Variants in ZHX3 observed in about 807,000 individuals in gnomAD.
ZHX3 encodes the protein zinc fingers and homeoboxes protein 3.
Under a neutral mutation model 64.5 loss-of-function variants are expected in ZHX3, and 20 were observed. The observed-to-expected ratio is 0.31, with a 90% CI of 0.22 to 0.45. The LOEUF is 0.45. ZHX3 is among the 20% of genes least tolerant of loss of function. ZHX3 has a pLI of 1.00. For missense variants in ZHX3, 1,041 were observed against 1,195.8 expected (o/e 0.87, Z 1.91); for synonymous variants, 423 against 461.6 (o/e 0.92, Z 1.07).
chr20:41,313,843 G>C (rs967509447), intron 1 of ZHX3, among the ~76,000 whole-genome samples: 1 of 152,082 alleles, frequency 6.6e-6, no homozygotes, highest in Non-Finnish European at 1.5e-5. Flanking sequence ...TGATCTGCCC[G>C]CCTTGGCCTC....
At chr20:41,238,800 A>C (rs2041180310) in intron 2 of ZHX3, 1 of 152,122 alleles carries the variant, frequency 6.6e-6, no homozygotes, top group Non-Finnish European at 1.5e-5. Flanking sequence ...AGAATCACTA[A>C]AACACACAAA....
intron 2 of ZHX3, among the ~76,000 whole-genome samples, chr20:41,245,619 T>A (rs1042580342): frequency 6.6e-6 from 1 of 152,240 alleles, no homozygotes; most frequent in African/African-American, 2.4e-5. Flanking sequence ...TCTGCTCCTA[T>A]GCTCAGCAGC....
At chr20:41,292,013 TAA>T (rs61168786) in intron 1 of ZHX3, among the ~76,000 whole-genome samples, 10,787 of 94,502 alleles carry the variant, frequency 0.11, 1,502 homozygotes, top group African/African-American at 0.37. Flanking sequence ...ACCTCATCTT[TAA>T]AAAAAAAAAA....
At chr20:41,261,701 C>A (rs1600545130) in intron 2 of ZHX3, among the ~76,000 whole-genome samples, 1 of 152,184 alleles carries the variant, frequency 6.6e-6, no homozygotes, top group African/African-American at 2.4e-5. Context: ...CTGATCTTTG[C>A]CAACAGCCAA....
At chr20:41,235,146 T>A (rs2040883508) in intron 2 of ZHX3, among the ~76,000 whole-genome samples, 1 of 152,100 alleles carries the variant, frequency 6.6e-6, no homozygotes, top group Admixed American at 6.6e-5. Context: ...TGTGCACACA[T>A]GGCTGGGAGT....
At chr20:41,267,310 C>T (rs2042911993) in intron 2 of ZHX3, among the ~76,000 whole-genome samples, 1 of 152,144 alleles carries the variant, frequency 6.6e-6, no homozygotes. Context: ...TTTTTAAGCC[C>T]CGCTGTTTAG....
intron 1 of ZHX3, among the ~76,000 whole-genome samples, chr20:41,298,790 T>C (rs2044664162): frequency 6.6e-6 from 1 of 152,148 alleles, no homozygotes; most frequent in Admixed American, 6.5e-5. Context: ...GGATCCAGAA[T>C]CTGAAGAGAG....
At chr20:41,241,234 T>C (rs527960294) in intron 2 of ZHX3, among the ~76,000 whole-genome samples, 12 of 152,230 alleles carry the variant, frequency 7.9e-5, no homozygotes, top group African/African-American at 1.4e-4. Flanking sequence ...TATGTCCTTG[T>C]AGTTTTGATT....
chr20:41,301,006 C>T (rs1465591006), intron 1 of ZHX3, among the ~76,000 whole-genome samples: 1 of 152,124 alleles, frequency 6.6e-6, no homozygotes, highest in Admixed American at 6.5e-5. Context: ...CTAAGGTGCC[C>T]TTTGCCTGAG....
At chr20:41,254,076 G>C (rs2042119307) in intron 2 of ZHX3, among the ~76,000 whole-genome samples, 1 of 152,070 alleles carries the variant, frequency 6.6e-6, no homozygotes, top group African/African-American at 2.4e-5. Context: ...CTTGAGCCCA[G>C]GAATGTGAGA....
chr20:41,317,284 G>A (rs2146858299), intron 1 of ZHX3: 1 of 152,632 alleles, frequency 6.6e-6, no homozygotes, highest in East Asian at 1.9e-4. Flanking sequence ...GGGGCTCCGG[G>A]GGGAAGGGGC....
chr20:41,216,026 A>C (rs991199934), intron 2 of ZHX3, among the ~76,000 whole-genome samples: 2 of 152,110 alleles, frequency 1.3e-5, no homozygotes, highest in Non-Finnish European at 2.9e-5. Flanking sequence ...ATTTTAAGAT[A>C]ATATTCTAAA....
chr20:41,186,085 C>CCATTTTT (rs2036496246), intron 3 of ZHX3, among the ~76,000 whole-genome samples: 2 of 152,152 alleles, frequency 1.3e-5, no homozygotes, highest in Admixed American at 6.5e-5. Flanking sequence ...TGTTATAAAA[C>CCATTTTT]CATCACTCTA....
intron 2 of ZHX3, among the ~76,000 whole-genome samples, chr20:41,211,476 C>G (rs1252432961): frequency 1.3e-5 from 2 of 152,016 alleles, no homozygotes; most frequent in Non-Finnish European, 2.9e-5. Context: ...GGCATGCACA[C>G]TTTTTTACTT....
intron 1 of ZHX3, among the ~76,000 whole-genome samples, chr20:41,304,124 T>C (rs917015482): frequency 6.6e-6 from 1 of 152,164 alleles, no homozygotes; most frequent in African/African-American, 2.4e-5. Context: ...CTCTTGATCT[T>C]CCCCCTGTCT....
chr20:41,258,715 T>C (rs1406121003), intron 2 of ZHX3, among the ~76,000 whole-genome samples: 1 of 152,224 alleles, frequency 6.6e-6, no homozygotes, highest in Non-Finnish European at 1.5e-5. Flanking sequence ...GCTGGTGGTG[T>C]TGGTCTTGAC....
chr20:41,240,725 T>C (rs1032770275), intron 2 of ZHX3, among the ~76,000 whole-genome samples: 6 of 152,200 alleles, frequency 3.9e-5, no homozygotes, highest in Non-Finnish European at 5.9e-5. Flanking sequence ...TTCAATTCTT[T>C]TAATTTTTAG....
At position 41,202,328 on chromosome 20, in the gene ZHX3, C is replaced by T; in HGVS notation, c.2589G>A (p.Glu863=). 2.5e-6 allele frequency: 4 copies of T among 1,614,184 alleles called. No individual in the cohort carries two copies. The highest frequency in any genetic ancestry group is 3.3e-5 in the Admixed American group (2 of 60,024). ...TCTTGTCACAGAGGTTCTGCAGGTC[C>T]TCTTCATACAGCATCTTGTGTGTCA... The part of the protein sequence containing the change: ...YYMTHKMLYE[E]DLQNLCDKTQ... Residue 863 remains glutamate (E), a synonymous_variant, in exon 3 of 4, where the codon GAG becomes GAA. Transcript: ENST00000683867. The surrounding 1 kb of genome is among the most constrained non-coding windows in gnomAD (Gnocchi z 7.0).
chr20:41,186,750 C>G (rs1302447530), intron 3 of ZHX3, among the ~76,000 whole-genome samples: 4 of 152,196 alleles, frequency 2.6e-5, no homozygotes, highest in African/African-American at 9.7e-5. Context: ...AAAGGTTCGT[C>G]TTTTCATGTA....
Sources: allele counts gnomAD v4.1 joint callset (sites outside exome capture counted in the v4.1 genomes callset), GRCh38; gene constraint gnomAD v4.1.1; non-coding constraint Gnocchi (gnomAD v3.1); transcripts MANE v1.5; gene names NCBI Gene and HGNC (gene_info 2026-07-23, HGNC 2026-07-21).